Variants in PTPRN2 observed in about 807,000 individuals in gnomAD.
PTPRN2 encodes receptor-type tyrosine-protein phosphatase N2.
Under a neutral mutation model 118.8 loss-of-function variants are expected in PTPRN2, and 74 were observed. That is an observed-to-expected ratio of 0.62 (90% CI 0.52 to 0.76). The LOEUF (loss-of-function observed/expected upper bound fraction) is 0.76, where lower values mean the gene tolerates loss of function less well. Ranked by LOEUF, PTPRN2 falls within the 30% of genes least tolerant of loss-of-function variation. The pLI, the probability that PTPRN2 is intolerant of heterozygous loss-of-function variation, is 0.00. For synonymous variants in PTPRN2, 641 were observed against 608.0 expected (o/e 1.05, Z -0.80); for missense variants, 1,481 against 1,394.4 (o/e 1.06, Z -0.99).
At chr7:158,204,793 T>C (rs1286150852) in intron 4 of PTPRN2, among the ~76,000 whole-genome samples, 4 of 152,260 alleles carry the variant, frequency 2.6e-5, no homozygotes, top group African/African-American at 9.6e-5. Context: ...TATACGTTGC[T>C]ATGCTCTGGG....
rs978312227 is a variant in PTPRN2 at position 157,676,163 on chromosome 7, CCT to C, written c.2001+6560_2001+6561del. 6.6e-6 allele frequency among the ~76,000 whole-genome samples: 1 copy of C among 152,116 alleles called. No individual in the cohort carries two copies. The highest frequency in any genetic ancestry group is 2.4e-5 in the African/African-American group (1 of 41,418). On this transcript the variant is annotated intron_variant, in intron 13 of 22. Coordinates refer to ENST00000389418, the MANE Select transcript of PTPRN2 (RefSeq NM_002847.5). The surrounding 1 kb of genome is among the most constrained non-coding windows in gnomAD (Gnocchi z 5.6). ...AGTCCTTTCCACGACACCCCAGCTC[CCT>C]GTCTAAACTCTTGGCCTGACTGGGA...
At chr7:158,054,142 G>A (rs1193130159) in intron 11 of PTPRN2, among the ~76,000 whole-genome samples, 1 of 151,880 alleles carries the variant, frequency 6.6e-6, no homozygotes. Context: ...AGAGCATGGG[G>A]GCCCTAGAGA....
At chr7:158,508,066 G>A (rs1484273449) in intron 1 of PTPRN2, among the ~76,000 whole-genome samples, 1 of 151,910 alleles carries the variant, frequency 6.6e-6, no homozygotes, top group Non-Finnish European at 1.5e-5. Flanking sequence ...GAAGGTCAGT[G>A]AGGAACATCC....
intron 10 of PTPRN2, among the ~76,000 whole-genome samples, chr7:158,105,783 T>G (rs1355795064): frequency 2.0e-5 from 3 of 151,174 alleles, no homozygotes; most frequent in African/African-American, 7.3e-5. Flanking sequence ...ATGCCCTGCT[T>G]TATCCTTATC....
chr7:157,895,393 T>C (rs983879093), intron 12 of PTPRN2, among the ~76,000 whole-genome samples: 1 of 150,448 alleles, frequency 6.6e-6, no homozygotes, highest in Admixed American at 6.6e-5. Context: ...GACCATAAAA[T>C]AAGCCAGAGG....
intron 11 of PTPRN2, among the ~76,000 whole-genome samples, chr7:157,913,929 G>C (rs1563234003): frequency 6.6e-6 from 1 of 152,144 alleles, no homozygotes; most frequent in African/African-American, 2.4e-5. Context: ...AAATATGTGG[G>C]CCTGATATTT....
intron 2 of PTPRN2, among the ~76,000 whole-genome samples, chr7:158,397,518 C>T (rs186696553): frequency 1.3e-5 from 2 of 152,338 alleles, no homozygotes; most frequent in African/African-American, 4.8e-5. Context: ...GCACCCTCAC[C>T]TTCCCTTCCA....
At chr7:158,292,993 C>T (rs553209431) in intron 3 of PTPRN2, among the ~76,000 whole-genome samples, 7 of 152,044 alleles carry the variant, frequency 4.6e-5, no homozygotes, top group Non-Finnish European at 8.8e-5. Flanking sequence ...ACTTGAACCA[C>T]GGAGGCAGAG....
chr7:158,318,539 T>C (rs1055907620), intron 2 of PTPRN2, among the ~76,000 whole-genome samples: 24 of 152,054 alleles, frequency 1.6e-4, no homozygotes, highest in African/African-American at 5.8e-4. Flanking sequence ...GGGGCCCAAG[T>C]CAGTGACCAC....
At chr7:157,703,929 G>A (rs894272441) in intron 12 of PTPRN2, among the ~76,000 whole-genome samples, 2 of 152,158 alleles carry the variant, frequency 1.3e-5, no homozygotes, top group Non-Finnish European at 2.9e-5. Context: ...TTTTGAATGC[G>A]TGATCACCGT....
chr7:157,998,131 G>A (rs1191409762), intron 11 of PTPRN2, among the ~76,000 whole-genome samples: 16 of 151,190 alleles, frequency 1.1e-4, no homozygotes, highest in African/African-American at 3.7e-4. Context: ...GGGGCTGGGG[G>A]AGAGGAATGC....
intron 2 of PTPRN2, among the ~76,000 whole-genome samples, chr7:158,333,842 T>TA (rs200796064): frequency 1.3e-3 from 52 of 38,732 alleles, no homozygotes; most frequent in Admixed American, 2.2e-3. Flanking sequence ...ACTCTCACCA[T>TA]AGAGCTGACA....
In PTPRN2 at chr7:158,521,518, T is replaced by C. The variant is rs945486462; in HGVS notation, c.113-31733A>G. ...GATTTCTCAGGAGCAGCACGCTGGG[T>C]GCTGGCTCAGGAGGAAGGTCCGCAT... is the stretch of plus-strand genomic sequence containing the variant. On this transcript the variant is annotated intron_variant, in intron 1 of 22. Transcript: ENST00000389418. Among the ~76,000 whole-genome samples the C allele has an allele frequency of 2.0e-5, 3 of 152,238 alleles. 1 individual carries two copies. The highest frequency in any genetic ancestry group is 2.9e-5 in the Non-Finnish European group (2 of 68,046).
At chr7:158,528,422 C>T (rs1824954777) in intron 1 of PTPRN2, among the ~76,000 whole-genome samples, 1 of 152,184 alleles carries the variant, frequency 6.6e-6, no homozygotes, top group Non-Finnish European at 1.5e-5. Context: ...CAAAGCGTCA[C>T]CTGGTGTATC....
At chr7:157,934,459 T>C (rs1454745307) in intron 11 of PTPRN2, among the ~76,000 whole-genome samples, 1 of 152,186 alleles carries the variant, frequency 6.6e-6, no homozygotes, top group Admixed American at 6.5e-5. Context: ...TCTGAACCAG[T>C]ATGAGTCAAC....
At chr7:157,917,867 T>A (rs10263117) in intron 11 of PTPRN2, among the ~76,000 whole-genome samples, 20,557 of 152,158 alleles carry the variant, frequency 0.14, 1,610 homozygotes, top group Non-Finnish European at 0.17. Context: ...CAGGCCGAGC[T>A]GGGGCTGGGG....
intron 1 of PTPRN2, among the ~76,000 whole-genome samples, chr7:158,568,926 G>A (rs985916712): frequency 5.3e-5 from 8 of 152,094 alleles, no homozygotes; most frequent in African/African-American, 1.9e-4. Flanking sequence ...AGGAGTTTGA[G>A]GACAGTCTGG....
At chr7:158,276,616 C>T (rs533939910) in intron 3 of PTPRN2, among the ~76,000 whole-genome samples, 2 of 140,432 alleles carry the variant, frequency 1.4e-5, no homozygotes, top group South Asian at 4.3e-4. Context: ...TCTTTATTAA[C>T]TTGGCCCCAT....
chr7:157,540,691 CCT>C lies in PTPRN2; in HGVS notation c.*21_*22del. Reference sequence around the variant, plus strand: ...ACAACATCCGTGGGGTGGGGGCTCCCCTGAGGCCCCTGAGGCTGCCGCTCACT... The same window carrying C: ...ACAACATCCGTGGGGTGGGGGCTCCCGAGGCCCCTGAGGCTGCCGCTCACT... On this transcript the variant is annotated 3_prime_UTR_variant, in exon 23 of 23. Coordinates refer to ENST00000389418, the MANE Select transcript of PTPRN2 (RefSeq NM_002847.5). 6.6e-7 allele frequency: 1 copy of C among 1,521,494 alleles called. No individual in the cohort carries two copies. The highest frequency in any genetic ancestry group is 2.4e-5 in the East Asian group (1 of 40,982). The allele number at this position is 1,521,494 out of a possible 1,614,324, so 94.2% of individuals were successfully genotyped here.
Sources: allele counts gnomAD v4.1 joint callset (sites outside exome capture counted in the v4.1 genomes callset), GRCh38; gene constraint gnomAD v4.1.1; non-coding constraint Gnocchi (gnomAD v3.1); transcripts MANE v1.5; gene names NCBI Gene and HGNC (gene_info 2026-07-23, HGNC 2026-07-21).